Variants in TPRG1 observed in about 807,000 individuals in gnomAD.
TPRG1 encodes the protein tumor protein p63 regulated 1, also known as tumor protein p63-regulated gene 1 protein.
A neutral mutation model predicts 29.3 loss-of-function variants in TPRG1; 29 were observed. The ratio of observed to expected loss-of-function variants is 0.99; its 90% CI spans 0.74 to 1.35. The LOEUF (loss-of-function observed/expected upper bound fraction) is 1.35, where lower values mean the gene tolerates loss of function less well. Ranked by LOEUF, TPRG1 falls within the 40% of genes most tolerant of loss-of-function variation. TPRG1 has a pLI of 0.00. For missense variants in TPRG1, 327 were observed against 335.0 expected, an observed-to-expected ratio of 0.98 and a Z score of 0.19; for synonymous variants, 130 against 116.8, an observed-to-expected ratio of 1.11 and a Z score of -0.73.
At chr3:189,256,761 G>A (rs1405423795) in intron 4 of TPRG1, among the ~76,000 whole-genome samples, 4 of 152,084 alleles carry the variant, frequency 2.6e-5, no homozygotes, top group Non-Finnish European at 4.4e-5. Context: ...ATTATGTAAT[G>A]CCCTTCTTTG....
intron 1 of TPRG1, among the ~76,000 whole-genome samples, chr3:189,182,977 C>G (rs1044748822): frequency 6.6e-6 from 1 of 152,106 alleles, no homozygotes; most frequent in African/African-American, 2.4e-5. Context: ...ATTCTCTGAG[C>G]AATTTTCAAG....
At chr3:189,198,996 A>C (rs1480807676) in intron 1 of TPRG1, among the ~76,000 whole-genome samples, 5 of 152,208 alleles carry the variant, frequency 3.3e-5, no homozygotes, top group African/African-American at 1.2e-4. Context: ...TGAGAAACTC[A>C]ACAGAACTTT....
At chr3:189,206,083 T>G (rs542611864) in intron 1 of TPRG1, among the ~76,000 whole-genome samples, 1 of 128,460 alleles carries the variant, frequency 7.8e-6, no homozygotes, top group Non-Finnish European at 1.7e-5. Context: ...TCTTTCTTTT[T>G]CTTTCTTTCT....
chr3:189,011,378 TTC>T (rs1712592156), intron 3 of TPRG1, among the ~76,000 whole-genome samples: 1 of 152,228 alleles, frequency 6.6e-6, no homozygotes, highest in South Asian at 2.1e-4. Context: ...ACGATATTGA[TTC>T]CTTCTATCTG....
At chr3:189,185,492 C>T (rs9855948) in intron 1 of TPRG1, among the ~76,000 whole-genome samples, 97,853 of 152,072 alleles carry the variant, frequency 0.64, 32,613 homozygotes, top group African/African-American at 0.83. Context: ...TCCCAAAGCA[C>T]TGGGATTACT....
At chr3:189,153,542 G>C (rs1194865040) in intron 5 of TPRG1, among the ~76,000 whole-genome samples, 1 of 152,112 alleles carries the variant, frequency 6.6e-6, no homozygotes, top group Non-Finnish European at 1.5e-5. Context: ...TTTGGGGTGA[G>C]GGGTGGTGTC....
intron 4 of TPRG1, among the ~76,000 whole-genome samples, chr3:189,063,174 A>G (rs966130817): frequency 2.0e-5 from 3 of 152,130 alleles, no homozygotes; most frequent in Non-Finnish European, 2.9e-5. Flanking sequence ...GTCACATTAC[A>G]TAATAATAAA....
chr3:189,183,571 C>A (rs1730526258), intron 1 of TPRG1, among the ~76,000 whole-genome samples: 1 of 151,760 alleles, frequency 6.6e-6, no homozygotes, highest in Non-Finnish European at 1.5e-5. Flanking sequence ...AGAAGACGAC[C>A]ACACCCAAGG....
chr3:189,025,488 T>A (rs566103615), intron 4 of TPRG1, among the ~76,000 whole-genome samples: 3 of 152,360 alleles, frequency 2.0e-5, no homozygotes, highest in African/African-American at 7.2e-5. Flanking sequence ...TTCCTCTCCC[T>A]GAGTGCCATG....
intron 4 of TPRG1, among the ~76,000 whole-genome samples, chr3:189,024,550 T>C (rs2152126545): frequency 6.6e-6 from 1 of 152,306 alleles, no homozygotes; most frequent in Middle Eastern, 3.4e-3. Flanking sequence ...GATGTTCTGG[T>C]GAAGCAGCTG....
At chr3:189,035,980 T>C (rs987331587) in intron 4 of TPRG1, among the ~76,000 whole-genome samples, 20 of 152,112 alleles carry the variant, frequency 1.3e-4, no homozygotes, top group East Asian at 3.8e-4. Context: ...TGTATGTTCA[T>C]TGAAGCACTA....
chr3:189,085,973 G>A (rs1717908172), intron 4 of TPRG1, among the ~76,000 whole-genome samples: 1 of 152,164 alleles, frequency 6.6e-6, no homozygotes, highest in Non-Finnish European at 1.5e-5. Flanking sequence ...AATTTATTAA[G>A]GAGTGCTGAC....
chr3:189,087,286 T>C (rs1225189935), intron 4 of TPRG1, among the ~76,000 whole-genome samples: 1 of 152,270 alleles, frequency 6.6e-6, no homozygotes, highest in African/African-American at 2.4e-5. Flanking sequence ...CCTGTGTCTG[T>C]TGGCTGCATA....
intron 4 of TPRG1, among the ~76,000 whole-genome samples, chr3:189,302,075 A>G (rs1243264511): frequency 1.3e-5 from 2 of 152,138 alleles, no homozygotes; most frequent in Non-Finnish European, 2.9e-5. Flanking sequence ...TCTTATGTGG[A>G]TCTTTGTTCT....
At chr3:189,223,922 T>C (rs1737303699) in intron 3 of TPRG1, among the ~76,000 whole-genome samples, 1 of 152,190 alleles carries the variant, frequency 6.6e-6, no homozygotes, top group South Asian at 2.1e-4. Flanking sequence ...ATTTTTTTAC[T>C]GAGTTCCCTC....
intron 3 of TPRG1, among the ~76,000 whole-genome samples, chr3:189,230,276 C>A (rs1050682235): frequency 6.6e-6 from 1 of 152,104 alleles, no homozygotes; most frequent in Admixed American, 6.5e-5. Flanking sequence ...GTGGGAAAAG[C>A]GGCTTGATGG....
rs1721187268 is a variant in TPRG1 at position 189,303,667 on chromosome 3, A to C, written c.480-6719A>C. 5.3e-5 allele frequency among the ~76,000 whole-genome samples: 8 copies of C among 152,206 alleles called. No individual in the cohort carries two copies. In the South Asian group the frequency reaches 1.7e-3, roughly 32 times the overall value. On this transcript the variant is annotated intron_variant, in intron 4 of 5. Transcript: ENST00000345063. ...TAAACTCATTCATTCACCTTCATTA[A>C]ACAAAAATTCATTAAGTGGTTTCTA...
intron 4 of TPRG1, among the ~76,000 whole-genome samples, chr3:189,068,835 T>C (rs1042911995): frequency 3.9e-5 from 6 of 151,956 alleles, no homozygotes; most frequent in African/African-American, 1.5e-4. Flanking sequence ...GGAGGACAAG[T>C]TTCCATCATT....
At chr3:189,173,357 T>TTGG (rs1729072051) in intron 1 of TPRG1, among the ~76,000 whole-genome samples, 2 of 149,294 alleles carry the variant, frequency 1.3e-5, no homozygotes, top group Non-Finnish European at 3.0e-5. Context: ...TTTTTTTTTT[T>TTGG]GAGACAGAGC....
Sources: allele counts gnomAD v4.1 joint callset (sites outside exome capture counted in the v4.1 genomes callset), GRCh38; gene constraint gnomAD v4.1.1; transcripts MANE v1.5; gene names NCBI Gene and HGNC (gene_info 2026-07-23, HGNC 2026-07-21).